Variants in MALRD1 observed in about 807,000 individuals in gnomAD.
MALRD1 encodes MAM and LDL-receptor class A domain-containing protein 1.
In MALRD1, 247 loss-of-function variants were observed where a neutral mutation model predicts 242.1. The observed-to-expected ratio is 1.02, with a 90% CI of 0.92 to 1.13. The LOEUF (loss-of-function observed/expected upper bound fraction) is 1.13, where lower values mean the gene tolerates loss of function less well. Among genes scored for constraint, MALRD1 ranks in the 50% most tolerant of loss-of-function variants. The pLI, the probability that MALRD1 is intolerant of heterozygous loss-of-function variation, is 0.00. For missense variants in MALRD1, 2,989 were observed against 2,533.1 expected (o/e 1.18, Z -3.86); for synonymous variants, 995 against 866.6 (o/e 1.15, Z -2.60).
At chr10:19,088,572 TATTTA>T (rs1206059054) in intron 4 of MALRD1, among the ~76,000 whole-genome samples, 1 of 108,094 alleles carries the variant, frequency 9.3e-6, no homozygotes, top group African/African-American at 4.0e-5. Context: ...AGTTTTTTTT[TATTTA>T]TTTATTTATT....
chr10:19,214,180 C>T (rs751335781), intron 18 of MALRD1, among the ~76,000 whole-genome samples: 1 of 152,158 alleles, frequency 6.6e-6, no homozygotes, highest in Non-Finnish European at 1.5e-5. Flanking sequence ...CCTGAGAGCT[C>T]ATGTCAACAT....
chr10:19,445,412 T>G (rs938571351), intron 28 of MALRD1, among the ~76,000 whole-genome samples: 3 of 152,210 alleles, frequency 2.0e-5, no homozygotes, highest in Non-Finnish European at 2.9e-5. Context: ...AATTTTCAGC[T>G]TTTCTGCTCT....
chr10:19,450,903 G>A (rs1835286473), intron 29 of MALRD1, among the ~76,000 whole-genome samples: 1 of 152,118 alleles, frequency 6.6e-6, no homozygotes, highest in Non-Finnish European at 1.5e-5. Context: ...TATTTTATAA[G>A]GGCACTAATC....
At chr10:19,155,532 A>G (rs1048086831) in intron 12 of MALRD1, among the ~76,000 whole-genome samples, 1 of 152,244 alleles carries the variant, frequency 6.6e-6, no homozygotes, top group African/African-American at 2.4e-5. Context: ...ACAAATGGAA[A>G]TGATTATATT....
intron 38 of MALRD1, among the ~76,000 whole-genome samples, chr10:19,726,352 A>G (rs921771777): frequency 1.3e-5 from 2 of 152,204 alleles, no homozygotes; most frequent in Non-Finnish European, 2.9e-5. Context: ...GTTCAACATC[A>G]CTAGTCATTA....
chr10:19,674,915 A>G (rs930239275), intron 36 of MALRD1, among the ~76,000 whole-genome samples: 1 of 152,166 alleles, frequency 6.6e-6, no homozygotes. Flanking sequence ...CTTGAAAAAA[A>G]GGAAAGGCAG....
intron 36 of MALRD1, among the ~76,000 whole-genome samples, chr10:19,656,327 G>A (rs1170788233): frequency 6.6e-6 from 1 of 152,028 alleles, no homozygotes; most frequent in Non-Finnish European, 1.5e-5. Flanking sequence ...ATTTTAGAGT[G>A]CTTTATTTGC....
intron 36 of MALRD1, among the ~76,000 whole-genome samples, chr10:19,672,522 C>G (rs1589383982): frequency 6.7e-6 from 1 of 150,260 alleles, no homozygotes; most frequent in South Asian, 2.1e-4. Context: ...CTCCTGGGTT[C>G]AAGCAATTCT....
At chr10:19,283,236 C>G in intron 21 of MALRD1, 55 bp downstream of exon 21, 1 of 1,341,596 alleles carries the variant, frequency 7.5e-7, no homozygotes. Context: ...TTAAGCATCT[C>G]CCAAATTTCT....
chr10:19,170,843 T>A (rs1258256005), intron 13 of MALRD1, among the ~76,000 whole-genome samples: 3 of 152,144 alleles, frequency 2.0e-5, no homozygotes, highest in Non-Finnish European at 4.4e-5. Context: ...AGCATCATCT[T>A]CACAGGATTA....
intron 21 of MALRD1, among the ~76,000 whole-genome samples, chr10:19,322,431 A>T (rs1488095565): frequency 1.3e-5 from 2 of 152,198 alleles, no homozygotes; most frequent in African/African-American, 4.8e-5. Flanking sequence ...ATATATAACC[A>T]CAAATTACAA....
chr10:19,596,967 T>TG (rs1174836963), intron 34 of MALRD1, among the ~76,000 whole-genome samples: 9 of 152,084 alleles, frequency 5.9e-5, no homozygotes, highest in African/African-American at 2.2e-4. Flanking sequence ...TCTAGAAATC[T>TG]GGAACAATTG....
intron 25 of MALRD1, among the ~76,000 whole-genome samples, chr10:19,348,781 A>G (rs989020963): frequency 6.6e-6 from 1 of 152,294 alleles, no homozygotes; most frequent in African/African-American, 2.4e-5. Flanking sequence ...TATAGTCCAA[A>G]TTAAGTGTTC....
At chr10:19,475,068 C>T (rs1307589783) in intron 29 of MALRD1, among the ~76,000 whole-genome samples, 9 of 152,188 alleles carry the variant, frequency 5.9e-5, no homozygotes, top group Non-Finnish European at 1.3e-4. Flanking sequence ...TTAACCAAAT[C>T]ACACAGTTGT....
At chr10:19,732,031 T>C (rs907041380) in intron 39 of MALRD1, among the ~76,000 whole-genome samples, 5 of 152,268 alleles carry the variant, frequency 3.3e-5, no homozygotes, top group Middle Eastern at 6.8e-3. Flanking sequence ...ACTTTTAGTA[T>C]TGTTTTGGTA....
At chr10:19,127,876 A>G (rs1243337941) in intron 7 of MALRD1, among the ~76,000 whole-genome samples, 1 of 152,188 alleles carries the variant, frequency 6.6e-6, no homozygotes, top group Non-Finnish European at 1.5e-5. Flanking sequence ...TCTTGATTAA[A>G]AAAAGGATTG....
chr10:19,725,580 C>T (rs1044366590), intron 38 of MALRD1, among the ~76,000 whole-genome samples: 2 of 152,112 alleles, frequency 1.3e-5, no homozygotes, highest in Non-Finnish European at 1.5e-5. Context: ...TTCCAACAGC[C>T]ATTTTTGCAA....
At chr10:19,369,184 TTATATA>T (rs1275638225) in intron 26 of MALRD1, among the ~76,000 whole-genome samples, 2 of 24,942 alleles carry the variant, frequency 8.0e-5, no homozygotes. Flanking sequence ...AACTAATATA[TTATATA>T]TAAGCTAATA....
At chr10:19,453,915 A>C (rs1422636430) in intron 29 of MALRD1, among the ~76,000 whole-genome samples, 2 of 151,788 alleles carry the variant, frequency 1.3e-5, no homozygotes, top group African/African-American at 2.4e-5. Flanking sequence ...TAAGCCAAGC[A>C]TTGTGGCTTG....
Sources: allele counts gnomAD v4.1 joint callset (sites outside exome capture counted in the v4.1 genomes callset), GRCh38; gene constraint gnomAD v4.1.1; transcripts MANE v1.5; gene names NCBI Gene and HGNC (gene_info 2026-07-23, HGNC 2026-07-21).